The following SLCO1A2 variants were observed in gnomAD, a reference collection of about 807,000 sequenced individuals.
SLCO1A2 encodes OATP-1.
SLCO1A2 carries 67 observed loss-of-function variants against 69.0 expected under a neutral mutation model. That is an observed-to-expected ratio of 0.97 (90% CI 0.80 to 1.19). SLCO1A2 has a LOEUF of 1.19. SLCO1A2 is among the 50% of genes most tolerant of loss of function. The probability of loss-of-function intolerance (pLI) is 0.00; values close to 1 mark genes in which losing one functional copy is unlikely to be tolerated. For synonymous variants in SLCO1A2, 260 were observed against 265.9 expected, an observed-to-expected ratio of 0.98 and a Z score of 0.22; for missense variants, 787 against 793.7, an observed-to-expected ratio of 0.99 and a Z score of 0.10.
intron 1 of SLCO1A2, chr12:21,376,510 A>G (rs1462777099): frequency 6.1e-6 from 1 of 164,574 alleles, no homozygotes. Flanking sequence ...TGAGATTGAT[A>G]TAGGTTAAAT....
In SLCO1A2 at chr12:21,274,571, G is replaced by A; in HGVS notation, c.1691C>T (p.Pro564Leu). Residue 564 changes from proline (P) to leucine (L), a missense_variant, in exon 14 of 15, where the codon CCT (proline) becomes CTT (leucine). Transcript: ENST00000683939. ...ATCCATTAAAGCGCCAAAATATATAGGTGCAGGAATGCCAGCTACAATTGA... is the reference window on the plus strand; with the variant it reads ...ATCCATTAAAGCGCCAAAATATATAAGTGCAGGAATGCCAGCTACAATTGA... ...CTRVFAGIPA[P>L]IYFGALMDST... The A allele has an allele frequency of 6.2e-7, 1 of 1,609,216 alleles. No individual in the cohort carries two copies. The highest frequency in any genetic ancestry group is 8.5e-7 in the Non-Finnish European group (1 of 1,176,278).
exon 1 of SLCO1A2, chr12:21,395,272 G>C (rs906300321): frequency 2.0e-5 from 3 of 152,482 alleles, no homozygotes; most frequent in African/African-American, 7.2e-5. Flanking sequence ...GGACGCACCT[G>C]GAAAATCGGG....
upstream of SLCO1A2, chr12:21,418,124 C>T (rs1055288777): frequency 2.0e-5 from 3 of 152,114 alleles, no homozygotes; most frequent in Non-Finnish European, 4.4e-5. Context: ...AGGCCAGAGG[C>T]AACAAAGGGA....
chr12:21,333,038 T>C (rs768279407), intron 2 of SLCO1A2, among the ~76,000 whole-genome samples: 7 of 152,152 alleles, frequency 4.6e-5, no homozygotes, highest in Non-Finnish European at 8.8e-5. Context: ...ATTTTTTATA[T>C]TGAATACCAT....
chr12:21,377,518 C>G (rs1294518726), intron 1 of SLCO1A2, among the ~76,000 whole-genome samples: 1 of 152,194 alleles, frequency 6.6e-6, no homozygotes, highest in Non-Finnish European at 1.5e-5. Flanking sequence ...GCTTAGTCAT[C>G]TTGCTTGACT....
chr12:21,343,367 G>A (rs1000457052), intron 2 of SLCO1A2, among the ~76,000 whole-genome samples: 3 of 152,090 alleles, frequency 2.0e-5, no homozygotes, highest in Non-Finnish European at 4.4e-5. Flanking sequence ...GGTCTTGTAC[G>A]CAGTAGGTGA....
chr12:21,395,644 C>A (rs1941418154), upstream of SLCO1A2, among the ~76,000 whole-genome samples: 1 of 152,212 alleles, frequency 6.6e-6, no homozygotes, highest in Non-Finnish European at 1.5e-5. Flanking sequence ...TTGAAGAGAG[C>A]AGTGGGTCTC....
chr12:21,277,773 A>G (rs1378323776), intron 12 of SLCO1A2, among the ~76,000 whole-genome samples: 3 of 152,166 alleles, frequency 2.0e-5, no homozygotes, highest in African/African-American at 7.2e-5. Flanking sequence ...TCACGCTCCT[A>G]TGAGAATCTA....
intron 12 of SLCO1A2, among the ~76,000 whole-genome samples, chr12:21,288,312 A>T (rs1946288621): frequency 3.9e-5 from 6 of 152,106 alleles, no homozygotes; most frequent in Admixed American, 3.9e-4. Context: ...GTGGTGGTGC[A>T]TGCCTGTAGT....
intron 1 of SLCO1A2, among the ~76,000 whole-genome samples, chr12:21,382,277 A>G (rs1445428855): frequency 1.3e-5 from 2 of 152,184 alleles, no homozygotes; most frequent in African/African-American, 4.8e-5. Context: ...GAGCTAAGCT[A>G]TCAGTTATGC....
intron 5 of SLCO1A2, among the ~76,000 whole-genome samples, chr12:21,306,411 T>C (rs7305911): frequency 0.36 from 55,380 of 151,830 alleles, 11,147 homozygotes; most frequent in African/African-American, 0.55. Flanking sequence ...CTGCAACCTC[T>C]GCCACCTGGG....
At chr12:21,274,810 G>T in intron 13 of SLCO1A2, 1 of 702,882 alleles carries the variant, frequency 1.4e-6, no homozygotes, top group Non-Finnish European at 2.0e-6. Context: ...TATTAGTAGA[G>T]TAAAACATTG....
At chr12:21,378,805 G>A (rs946924434) in intron 1 of SLCO1A2, 6 of 181,704 alleles carry the variant, frequency 3.3e-5, no homozygotes, top group South Asian at 1.1e-4. Context: ...GACCAGGCGC[G>A]GTGGCTCTTG....
At chr12:21,335,218 T>C (rs1474789406), upstream of SLCO1A2, among the ~76,000 whole-genome samples, 2 of 151,980 alleles carry the variant, frequency 1.3e-5, no homozygotes, top group African/African-American at 4.8e-5. Flanking sequence ...TCTGGGGCAC[T>C]GCTGATACAT....
At chr12:21,378,582 TACTA>T (rs1222290820) in intron 1 of SLCO1A2, 4 of 610,998 alleles carry the variant, frequency 6.5e-6, no homozygotes, top group African/African-American at 1.8e-5. Flanking sequence ...TTATATGTAG[TACTA>T]ACTAAGGTCC....
intron 2 of SLCO1A2, among the ~76,000 whole-genome samples, chr12:21,356,268 A>G (rs1938356597): frequency 1.3e-5 from 2 of 152,126 alleles, no homozygotes; most frequent in South Asian, 2.1e-4. Context: ...ATTAAGCACT[A>G]TGGAATAATT....
chr12:21,383,490 C>T (rs1940714216), intron 1 of SLCO1A2, among the ~76,000 whole-genome samples: 1 of 152,072 alleles, frequency 6.6e-6, no homozygotes, highest in East Asian at 1.9e-4. Context: ...ATACAACTTG[C>T]TGCCTTGAAA....
chr12:21,278,083 G>A lies in SLCO1A2; in HGVS notation c.1611-2659C>T, dbSNP rs529845481. ...TGGCTAAAGAACTCTTGTGCCTTAA[G>A]TAAACGTCAGTGGTGGCCTGGCAGT... On this transcript the variant is annotated intron_variant, in intron 12 of 14. Coordinates refer to ENST00000683939, the MANE Select transcript of SLCO1A2 (RefSeq NM_001386879.1). Among the ~76,000 whole-genome samples the A allele has an allele frequency of 3.9e-5, 6 of 152,286 alleles. No homozygotes were observed. The South Asian group carries it at 6.2e-4, about 16-fold the overall frequency.
chr12:21,299,894 A>C (rs1194805005), intron 8 of SLCO1A2, among the ~76,000 whole-genome samples: 1 of 146,686 alleles, frequency 6.8e-6, no homozygotes, highest in African/African-American at 2.5e-5. Flanking sequence ...ATACGTGTAT[A>C]TATATATATA....
Sources: allele counts gnomAD v4.1 joint callset (sites outside exome capture counted in the v4.1 genomes callset), GRCh38; gene constraint gnomAD v4.1.1; transcripts MANE v1.5; gene names NCBI Gene and HGNC (gene_info 2026-07-23, HGNC 2026-07-21).